Variants in TENM3 observed in about 807,000 individuals in gnomAD.
TENM3 encodes the protein teneurin-3.
Under a neutral mutation model 255.1 loss-of-function variants are expected in TENM3, and 63 were observed. The ratio of observed to expected loss-of-function variants is 0.25; its 90% CI spans 0.20 to 0.30. The LOEUF is 0.30. Among genes scored for constraint, TENM3 ranks in the 10% least tolerant of loss-of-function variants. TENM3 has a pLI of 1.00. For synonymous variants in TENM3, 1,306 were observed against 1,322.3 expected (o/e 0.99, Z 0.27); for missense variants, 2,929 against 3,461.1 (o/e 0.85, Z 3.86).
At chr4:182,322,456 CTG>C (rs1177425914) in intron 1 of TENM3, among the ~76,000 whole-genome samples, 2 of 152,146 alleles carry the variant, frequency 1.3e-5, no homozygotes, top group East Asian at 1.9e-4. Flanking sequence ...CTGTGGAACT[CTG>C]TGATTATTCC....
At chr4:182,066,600 AT>A in the TENM3 span, among the ~76,000 whole-genome samples, 13,783 of 118,518 alleles carry the variant, frequency 0.12, 748 homozygotes, top group African/African-American at 0.17. Context: ...TAAAAAAAAA[AT>A]ATATATATAT....
intron 3 of TENM3, among the ~76,000 whole-genome samples, chr4:182,361,833 C>G (rs576269204): frequency 1.3e-5 from 2 of 152,072 alleles, no homozygotes; most frequent in South Asian, 4.2e-4. Flanking sequence ...CTGTTTTTTC[C>G]CCGTCTTTGT....
the TENM3 span, among the ~76,000 whole-genome samples, chr4:181,693,818 C>T: frequency 9.9e-5 from 15 of 152,140 alleles, no homozygotes; most frequent in Non-Finnish European, 2.2e-4. Flanking sequence ...AATAGCCTTG[C>T]ATGTAATGGG....
chr4:182,081,917 A>G, the TENM3 span: 1 of 152,300 alleles, frequency 6.6e-6, no homozygotes, highest in African/African-American at 2.4e-5. Flanking sequence ...TGACCAGATA[A>G]CTTCAAGGAT....
chr4:181,575,753 T>C, the TENM3 span, among the ~76,000 whole-genome samples: 3 of 152,222 alleles, frequency 2.0e-5, no homozygotes, highest in Non-Finnish European at 2.9e-5. Context: ...CTTTAGAATT[T>C]CAAAGTATGG....
At chr4:181,755,609 A>G in the TENM3 span, among the ~76,000 whole-genome samples, 6 of 152,276 alleles carry the variant, frequency 3.9e-5, no homozygotes, top group Non-Finnish European at 8.8e-5. Context: ...TGAAATCATT[A>G]TATTTGGCCA....
chr4:182,680,294 C>T lies in TENM3; in HGVS notation c.1584C>T (p.Cys528=), dbSNP rs762151854. ...GAAATTGCCATGGAAATGGAGAATG[C>T]GTTTCTGGAACTTGCCATTGTTTTC... is the stretch of plus-strand genomic sequence containing the variant. ...CPRNCHGNGE[C]VSGTCHCFPG... is the part of the protein sequence containing the mutation. The change falls in exon 9 of 28, where the codon TGC becomes TGT. Residue 528 remains cysteine (C), a synonymous_variant. Transcript: ENST00000511685. 1.1e-5 allele frequency: 17 copies of T among 1,613,578 alleles called. No homozygotes were observed. The highest frequency in any genetic ancestry group is 2.2e-5 in the South Asian group (2 of 91,034).
At chr4:181,643,047 T>A in the TENM3 span, among the ~76,000 whole-genome samples, 1 of 152,182 alleles carries the variant, frequency 6.6e-6, no homozygotes, top group African/African-American at 2.4e-5. Context: ...TAAAGAAAGT[T>A]AATGGTAGCT....
At chr4:182,765,063 A>T (rs113766517) in intron 22 of TENM3, among the ~76,000 whole-genome samples, 71 of 152,236 alleles carry the variant, frequency 4.7e-4, no homozygotes, top group African/African-American at 1.6e-3. Context: ...TTGTAGGTTG[A>T]TCAACAAAAG....
At chr4:182,428,570 C>T (rs1449893475) in intron 3 of TENM3, among the ~76,000 whole-genome samples, 1 of 151,588 alleles carries the variant, frequency 6.6e-6, no homozygotes, top group Non-Finnish European at 1.5e-5. Flanking sequence ...GCTATTGATT[C>T]CGTCAGTCAA....
the TENM3 span, among the ~76,000 whole-genome samples, chr4:181,998,113 T>C: frequency 2.0e-5 from 3 of 152,226 alleles, no homozygotes; most frequent in Non-Finnish European, 2.9e-5. Context: ...TGAGATATAA[T>C]GAGTTTTCTT....
the TENM3 span, among the ~76,000 whole-genome samples, chr4:181,888,568 GTATATATATACA>G: frequency 1.5e-5 from 1 of 66,284 alleles, no homozygotes; most frequent in African/African-American, 6.2e-5. Context: ...ATACATATAT[GTATATATATACA>G]TATATATATG....
At chr4:181,724,620 G>T in the TENM3 span, among the ~76,000 whole-genome samples, 2 of 152,120 alleles carry the variant, frequency 1.3e-5, no homozygotes, top group Non-Finnish European at 2.9e-5. Flanking sequence ...CACAGTGACT[G>T]ACTTGGGGGG....
chr4:181,590,540 C>T, the TENM3 span, among the ~76,000 whole-genome samples: 1 of 152,200 alleles, frequency 6.6e-6, no homozygotes, highest in Non-Finnish European at 1.5e-5. Context: ...CTTTAGCATA[C>T]TGGGAGCCTT....
chr4:181,961,595 G>GT, the TENM3 span, among the ~76,000 whole-genome samples: 241 of 151,994 alleles, frequency 1.6e-3, 12 homozygotes, highest in South Asian at 0.049. Context: ...AATTTTTTGT[G>GT]TTTTTAGTAG....
the TENM3 span, among the ~76,000 whole-genome samples, chr4:181,899,546 TTTTTG>T: frequency 2.3e-3 from 342 of 151,932 alleles, 11 homozygotes; most frequent in East Asian, 0.053. Flanking sequence ...GTTGTTTTGT[TTTTTG>T]TTTTGTTTTG....
chr4:181,646,635 G>T, the TENM3 span, among the ~76,000 whole-genome samples: 2 of 152,104 alleles, frequency 1.3e-5, no homozygotes, highest in African/African-American at 4.8e-5. Context: ...ATAATTTAAA[G>T]ATGCTATTTA....
At chr4:181,766,301 A>G in the TENM3 span, among the ~76,000 whole-genome samples, 1 of 152,188 alleles carries the variant, frequency 6.6e-6, no homozygotes, top group African/African-American at 2.4e-5. Flanking sequence ...CATTACTAGG[A>G]GACAGAAAGT....
chr4:182,728,491 G>A (rs1208711942), intron 13 of TENM3, among the ~76,000 whole-genome samples: 1 of 152,108 alleles, frequency 6.6e-6, no homozygotes, highest in African/African-American at 2.4e-5. Flanking sequence ...CTCTATGAAG[G>A]CAGATGCAAG....
Sources: gnomAD v4.1 joint callset for allele counts (sites outside exome capture counted in the v4.1 genomes callset) on GRCh38, gnomAD v4.1.1 for gene constraint, MANE v1.5 for transcripts, NCBI Gene and HGNC (gene_info 2026-07-23, HGNC 2026-07-21) for gene names.